ARHGAP42: variants seen among roughly 807,000 people sequenced by gnomAD.
ARHGAP42 encodes Rho GTPase activating protein 42, also known as rho GTPase-activating protein 42.
ARHGAP42 carries 63 observed loss-of-function variants against 125.0 expected under a neutral mutation model. That is an observed-to-expected ratio of 0.50 (90% CI 0.41 to 0.62). The LOEUF (loss-of-function observed/expected upper bound fraction) is 0.62. ARHGAP42 is among the 20% of genes least tolerant of loss of function. The pLI is 0.00. For synonymous variants in ARHGAP42, 339 were observed against 351.0 expected (o/e 0.97, Z 0.38); for missense variants, 766 against 1,024.2 (o/e 0.75, Z 3.44).
At chr11:100,785,420 A>G (rs1461629529) in intron 2 of ARHGAP42, among the ~76,000 whole-genome samples, 1 of 152,212 alleles carries the variant, frequency 6.6e-6, no homozygotes, top group Non-Finnish European at 1.5e-5. Context: ...CTAGAGTTGA[A>G]TAAAAGGATT....
intron 1 of ARHGAP42, among the ~76,000 whole-genome samples, chr11:100,768,732 T>C (rs1862895569): frequency 6.6e-6 from 1 of 152,204 alleles, no homozygotes. Context: ...GATGCTGCAC[T>C]GTGGAGTTGA....
At position 100,992,423 on chromosome 11, in the gene ARHGAP42, C is replaced by T. The variant is rs1858858480; in HGVS notation, c.*3622C>T. The T allele has an allele frequency of 2.5e-6, 4 of 1,613,886 alleles. No individual in the cohort carries two copies. The highest frequency in any genetic ancestry group is 3.4e-6 in the Non-Finnish European group (4 of 1,179,968). Reference sequence around the variant, plus strand: ...TACTTTCCCCTTGACTAAAGGTTTCCCCTTAGGGTACACATTGCTATTTAA... The same window carrying T: ...TACTTTCCCCTTGACTAAAGGTTTCTCCTTAGGGTACACATTGCTATTTAA... On this transcript the variant is annotated 3_prime_UTR_variant, in exon 24 of 24. Transcript: ENST00000298815.
chr11:100,762,838 T>G (rs1057174373), intron 1 of ARHGAP42, among the ~76,000 whole-genome samples: 2 of 152,162 alleles, frequency 1.3e-5, no homozygotes, highest in Non-Finnish European at 2.9e-5. Context: ...AGTTGATGTT[T>G]CCTTGACATA....
At chr11:100,781,724 A>G (rs187714159) in intron 2 of ARHGAP42, among the ~76,000 whole-genome samples, 2 of 152,278 alleles carry the variant, frequency 1.3e-5, no homozygotes, top group Admixed American at 1.3e-4. Flanking sequence ...AATTATTCAG[A>G]TTTTTTTCTG....
intron 1 of ARHGAP42, among the ~76,000 whole-genome samples, chr11:100,752,491 A>G (rs1862482993): frequency 6.6e-6 from 1 of 151,830 alleles, no homozygotes; most frequent in South Asian, 2.1e-4. Context: ...AATGTGGGGC[A>G]CTCCCTCTTC....
intron 12 of ARHGAP42, among the ~76,000 whole-genome samples, chr11:100,951,343 C>G (rs1460162727): frequency 6.6e-6 from 1 of 152,088 alleles, no homozygotes; most frequent in Admixed American, 6.6e-5. Context: ...CAACTTTTAT[C>G]TAATCACAGA....
At chr11:100,748,627 T>G (rs7930550) in intron 1 of ARHGAP42, among the ~76,000 whole-genome samples, 2,057 of 152,322 alleles carry the variant, frequency 0.014, 47 homozygotes, top group African/African-American at 0.047. Context: ...ACAATGAGGT[T>G]TCCTCTAAAA....
At chr11:100,742,389 G>A (rs2120351038) in intron 1 of ARHGAP42, among the ~76,000 whole-genome samples, 1 of 152,234 alleles carries the variant, frequency 6.6e-6, no homozygotes, top group South Asian at 2.1e-4. Flanking sequence ...CACAGTGCAG[G>A]AGTAGTGTGT....
At chr11:100,799,515 G>T (rs1334548625) in intron 3 of ARHGAP42, among the ~76,000 whole-genome samples, 1 of 152,186 alleles carries the variant, frequency 6.6e-6, no homozygotes, top group East Asian at 1.9e-4. Context: ...TCCACAGGGA[G>T]AATTGGGTAG....
intron 2 of ARHGAP42, among the ~76,000 whole-genome samples, chr11:100,790,735 A>G (rs868318790): frequency 1.3e-5 from 2 of 152,336 alleles, no homozygotes; most frequent in South Asian, 2.1e-4. Flanking sequence ...TCTACTGTGT[A>G]TTAAGTATTG....
chr11:100,772,677 T>A (rs139991444), intron 2 of ARHGAP42, among the ~76,000 whole-genome samples: 52 of 152,324 alleles, frequency 3.4e-4, no homozygotes, highest in African/African-American at 1.1e-3. Context: ...TGCTTGTCAT[T>A]TCTTGACATT....
chr11:100,822,221 A>G (rs1359760733), intron 3 of ARHGAP42, among the ~76,000 whole-genome samples: 2 of 152,102 alleles, frequency 1.3e-5, no homozygotes, highest in African/African-American at 4.8e-5. Flanking sequence ...TCAAAGCATA[A>G]CCTTAATTTG....
intron 4 of ARHGAP42, among the ~76,000 whole-genome samples, chr11:100,860,697 C>T (rs1865426166): frequency 1.3e-5 from 2 of 152,082 alleles, no homozygotes; most frequent in Admixed American, 1.3e-4. Flanking sequence ...AGGCCTTTCT[C>T]ATGCAGATGT....
At chr11:100,871,392 A>T (rs1023533327) in intron 4 of ARHGAP42, among the ~76,000 whole-genome samples, 7 of 151,814 alleles carry the variant, frequency 4.6e-5, no homozygotes, top group Non-Finnish European at 8.8e-5. Context: ...CTAAAAATAC[A>T]AAAATTAGCC....
intron 1 of ARHGAP42, among the ~76,000 whole-genome samples, chr11:100,747,987 C>CT (rs879810849): frequency 5.4e-4 from 81 of 149,860 alleles, no homozygotes; most frequent in Non-Finnish European, 7.3e-4. Context: ...CCCCACCCCC[C>CT]TTTTTTTTTC....
chr11:100,989,805 A>C lies in ARHGAP42; in HGVS notation c.*1004A>C, dbSNP rs1858784695. On this transcript the variant is annotated 3_prime_UTR_variant, in exon 24 of 24. Coordinates refer to ENST00000298815, the MANE Select transcript of ARHGAP42 (RefSeq NM_152432.4). The stretch of plus-strand genomic sequence containing the variant: ...TTGGGCTTTTGAAATGTTCTTCTAC[A>C]AATGAAAAAGATGTTTAAAAACGTT... 1 of 152,210 alleles carries C rather than the reference A, an allele frequency of 6.6e-6. No individual in the cohort carries two copies. Among genetic ancestry groups the C allele is most frequent in the Non-Finnish European group, 1.5e-5 (1 of 68,032 alleles). The allele number at this position is 152,210 out of a possible 1,614,324, so 9.4% of individuals were successfully genotyped here. A position where few individuals can be genotyped will look rare whatever the true frequency, so the allele number is the denominator to read the frequency against.
chr11:100,949,981 A>G lies in ARHGAP42; in HGVS notation c.1162+25A>G, dbSNP rs1211564256. 66 of 1,358,664 alleles carry G rather than the reference A, an allele frequency of 4.9e-5. No homozygotes were observed. In the East Asian group the frequency reaches 1.7e-3, roughly 34 times the overall value. The allele number at this position is 1,358,664 out of a possible 1,614,324, so 84.2% of individuals were successfully genotyped here. A position where few individuals can be genotyped will look rare whatever the true frequency, so the allele number is the denominator to read the frequency against. ...AGTAAGTCATTTTAATAGTTATTTAAAATTTTATCATGAAGTTATTTTTAA... is the reference window on the plus strand; with the variant it reads ...AGTAAGTCATTTTAATAGTTATTTAGAATTTTATCATGAAGTTATTTTTAA... On this transcript the variant is annotated intron_variant, in intron 12 of 23. Transcript: ENST00000298815.
intron 1 of ARHGAP42, among the ~76,000 whole-genome samples, chr11:100,764,288 C>T (rs559071671): frequency 1.8e-4 from 28 of 152,194 alleles, no homozygotes; most frequent in African/African-American, 5.8e-4. Flanking sequence ...CCTCCCAAAG[C>T]GTTGAGATTA....
chr11:100,815,897 T>C (rs1397680075), intron 3 of ARHGAP42, among the ~76,000 whole-genome samples: 5 of 152,180 alleles, frequency 3.3e-5, no homozygotes, highest in Admixed American at 2.0e-4. Context: ...TGGAATTATA[T>C]AGTATTTGTC....
Sources: allele counts gnomAD v4.1 joint callset (sites outside exome capture counted in the v4.1 genomes callset), GRCh38; gene constraint gnomAD v4.1.1; transcripts MANE v1.5; gene names NCBI Gene and HGNC (gene_info 2026-07-23, HGNC 2026-07-21).